LRRD1: variants seen among roughly 807,000 people sequenced by gnomAD.
The protein encoded by LRRD1 is leucine-rich repeat and death domain-containing protein 1.
In LRRD1, 49 loss-of-function variants were observed where a neutral mutation model predicts 69.5. The observed-to-expected ratio is 0.70, with a 90% CI of 0.56 to 0.89. The LOEUF (loss-of-function observed/expected upper bound fraction) is 0.89. Among genes scored for constraint, LRRD1 ranks in the 40% least tolerant of loss-of-function variants. The pLI, the probability that LRRD1 is intolerant of heterozygous loss-of-function variation, is 0.00. For missense variants in LRRD1, 853 were observed against 956.0 expected, an observed-to-expected ratio of 0.89 and a Z score of 1.42; for synonymous variants, 303 against 338.9, an observed-to-expected ratio of 0.89 and a Z score of 1.16.
At chr7:92,172,784 C>A (rs1462705364) in intron 1 of LRRD1, among the ~76,000 whole-genome samples, 2 of 151,902 alleles carry the variant, frequency 1.3e-5, no homozygotes, top group East Asian at 3.9e-4. Context: ...TTTACAGATT[C>A]AATTCAATCT....
chr7:92,156,127 G>T (rs899120847), intron 3 of LRRD1, among the ~76,000 whole-genome samples: 1 of 152,146 alleles, frequency 6.6e-6, no homozygotes, highest in Admixed American at 6.6e-5. Context: ...CATAATTGTG[G>T]ATCTATTTCT....
chr7:92,142,669 G>T, downstream of LRRD1: 1 of 405,810 alleles, frequency 2.5e-6, no homozygotes, highest in Non-Finnish European at 4.9e-6. Context: ...GGATGTGTTC[G>T]GAGTTTCTTC....
At chr7:92,168,778 A>G (rs1788984299) in intron 1 of LRRD1, among the ~76,000 whole-genome samples, 1 of 152,238 alleles carries the variant, frequency 6.6e-6, no homozygotes, top group Non-Finnish European at 1.5e-5. Flanking sequence ...TAATCTTTCA[A>G]TGTACATATG....
intron 1 of LRRD1, among the ~76,000 whole-genome samples, chr7:92,174,149 G>T (rs1008513856): frequency 1.5e-4 from 23 of 151,980 alleles, no homozygotes; most frequent in African/African-American, 5.6e-4. Flanking sequence ...GAGTAGATTG[G>T]TGGTTACCAG....
At position 92,164,157 on chromosome 7, in the gene LRRD1, AGT is replaced by A. The variant is rs1237502911; in HGVS notation, c.1044_1045del (p.Leu348PhefsTer12). ...GGCCAGTTGGAGTTCTTTTATTTTGAGTAACTGAAAAATTTCTACAGCCAGAA... is the reference window on the plus strand; with the variant it reads ...GGCCAGTTGGAGTTCTTTTATTTTGAAACTGAAAAATTTCTACAGCCAGAA... On this transcript the variant is annotated frameshift_variant, in exon 2 of 6. Transcript: ENST00000458448. LOFTEE classifies it high-confidence loss of function. 6.5e-7 allele frequency: 1 copy of A among 1,548,016 alleles called. No individual in the cohort carries two copies. The highest frequency in any genetic ancestry group is 1.4e-5 in the African/African-American group (1 of 72,770).
At chr7:92,155,735 G>A (rs2130994482) in intron 3 of LRRD1, among the ~76,000 whole-genome samples, 1 of 152,352 alleles carries the variant, frequency 6.6e-6, no homozygotes, top group South Asian at 2.1e-4. Context: ...AACCTCAAAA[G>A]TAGGGAAGCC....
intron 3 of LRRD1, among the ~76,000 whole-genome samples, chr7:92,151,293 T>A (rs2130987803): frequency 6.6e-6 from 1 of 152,346 alleles, no homozygotes; most frequent in East Asian, 1.9e-4. Context: ...CTTGACAGTT[T>A]TAAGAAGTAC....
At chr7:92,171,774 A>G (rs1197844632) in intron 1 of LRRD1, among the ~76,000 whole-genome samples, 2 of 152,228 alleles carry the variant, frequency 1.3e-5, no homozygotes, top group African/African-American at 4.8e-5. Context: ...TCAACGAAAT[A>G]CTAGCAAAAT....
At chr7:92,147,221 C>G (rs1175425671) in intron 4 of LRRD1, among the ~76,000 whole-genome samples, 1 of 151,880 alleles carries the variant, frequency 6.6e-6, no homozygotes, top group South Asian at 2.1e-4. Flanking sequence ...CATGCGCCAC[C>G]ACACCCAGCT....
intron 5 of LRRD1, 97 bp from the exon 6 acceptor site, chr7:92,145,171 T>G: frequency 1.5e-6 from 1 of 676,946 alleles, no homozygotes. Flanking sequence ...ATTAAGAACA[T>G]TGCTTTAAAC....
intron 3 of LRRD1, among the ~76,000 whole-genome samples, chr7:92,154,826 A>C (rs1460901257): frequency 6.6e-6 from 1 of 152,046 alleles, no homozygotes; most frequent in African/African-American, 2.4e-5. Context: ...TCCATGGGAG[A>C]TACCTTCCAA....
chr7:92,166,178 A>T (rs1408789083), intron 1 of LRRD1, among the ~76,000 whole-genome samples: 1 of 152,220 alleles, frequency 6.6e-6, no homozygotes, highest in African/African-American at 2.4e-5. Context: ...TCTGGGTCCC[A>T]GCTCTGTAAG....
intron 1 of LRRD1, among the ~76,000 whole-genome samples, chr7:92,172,511 A>G (rs983973018): frequency 6.6e-6 from 1 of 152,186 alleles, no homozygotes; most frequent in African/African-American, 2.4e-5. Context: ...CAATATCAAC[A>G]TACAAAAATC....
chr7:92,144,837 T>G, downstream of LRRD1: 1 of 1,115,560 alleles, frequency 9.0e-7, no homozygotes, highest in Admixed American at 2.9e-5. Context: ...CAAACACAGT[T>G]TCAATTATAA....
At chr7:92,169,511 C>T (rs1308423367) in intron 1 of LRRD1, among the ~76,000 whole-genome samples, 3 of 151,642 alleles carry the variant, frequency 2.0e-5, no homozygotes, top group African/African-American at 7.3e-5. Flanking sequence ...ATTAGCCGGG[C>T]GTGGTGGTGG....
intron 1 of LRRD1, among the ~76,000 whole-genome samples, chr7:92,176,891 TTTCTTGGATAA>T (rs1201295743): frequency 1.3e-5 from 2 of 151,176 alleles, no homozygotes; most frequent in Non-Finnish European, 3.0e-5. Context: ...GCATGAGGCA[TTTCTTGGATAA>T]GTCAAACTTG....
At chr7:92,148,236 A>G (rs1820377639) in intron 4 of LRRD1, among the ~76,000 whole-genome samples, 1 of 152,012 alleles carries the variant, frequency 6.6e-6, no homozygotes, top group Non-Finnish European at 1.5e-5. Flanking sequence ...ACTATACTTG[A>G]TCTTAGCCAA....
downstream of LRRD1, chr7:92,141,713 C>T (rs1009854153): frequency 2.0e-5 from 3 of 152,128 alleles, no homozygotes; most frequent in Non-Finnish European, 4.4e-5. Context: ...TTAACAACAA[C>T]CATCATTAAG....
At chr7:92,146,221 A>C in intron 4 of LRRD1, 21 bp from the exon 5 acceptor site, 2 of 1,150,446 alleles carry the variant, frequency 1.7e-6, no homozygotes, top group Non-Finnish European at 2.5e-6. Flanking sequence ...ACATAAAATA[A>C]AATGTATATC....
Sources: allele counts gnomAD v4.1 joint callset (sites outside exome capture counted in the v4.1 genomes callset), GRCh38; gene constraint gnomAD v4.1.1; transcripts MANE v1.5; gene names NCBI Gene and HGNC (gene_info 2026-07-23, HGNC 2026-07-21).